Variants in NALCN observed in about 807,000 individuals in gnomAD.
NALCN encodes the protein sodium leak channel NALCN.
NALCN carries 111 observed loss-of-function variants against 225.3 expected under a neutral mutation model. That is an observed-to-expected ratio of 0.49 (90% CI 0.42 to 0.58). The LOEUF (loss-of-function observed/expected upper bound fraction) is 0.58, where lower values mean the gene tolerates loss of function less well. NALCN is among the 20% of genes least tolerant of loss of function. The probability of loss-of-function intolerance (pLI) is 0.00; values close to 1 mark genes in which losing one functional copy is unlikely to be tolerated. For synonymous variants in NALCN, 764 were observed against 769.0 expected (o/e 0.99, Z 0.11); for missense variants, 1,378 against 2,202.4 (o/e 0.63, Z 7.49).
At chr13:101,060,086 A>G in intron 41 of NALCN, 119 bp from the exon 42 acceptor site, 1 of 1,134,510 alleles carries the variant, frequency 8.8e-7, no homozygotes, top group Non-Finnish European at 1.2e-6. Flanking sequence ...GTGACCTCTT[A>G]GGAATTTCCA....
chr13:101,171,319 C>T (rs2584526), intron 15 of NALCN, among the ~76,000 whole-genome samples: 11,234 of 147,348 alleles, frequency 0.076, 830 homozygotes, highest in African/African-American at 0.2. Flanking sequence ...TATACATATA[C>T]GTATAGATAT....
intron 14 of NALCN, 63 bp from the exon 15 acceptor site, chr13:101,176,437 T>C: frequency 8.2e-7 from 1 of 1,219,962 alleles, no homozygotes; most frequent in Admixed American, 2.4e-5. Flanking sequence ...ATATTATATG[T>C]ATAATATAGC....
intron 6 of NALCN, among the ~76,000 whole-genome samples, chr13:101,353,191 G>C (rs1180153268): frequency 1.3e-5 from 2 of 152,132 alleles, no homozygotes; most frequent in East Asian, 1.9e-4. Context: ...TTGCACTCAA[G>C]AGAATAATGA....
In NALCN at chr13:101,095,770, G is replaced by A. The variant is rs1151376; in HGVS notation, c.3163-90C>T. 0.017 allele frequency: 18,409 copies of A among 1,109,648 alleles called. 1,220 individuals are homozygous for A. The African/African-American group carries it at 0.19, about 11-fold the overall frequency. 68.7% of individuals were successfully genotyped at this position (1,109,648 alleles called of 1,614,324 possible). On this transcript the variant is annotated intron_variant, in intron 27 of 43. Transcript: ENST00000251127. ...GATAGGAAACTCTTTCTTCTTTCAC[G>A]GAATCCCAAAAGCCCTTTATCTAAC...
chr13:101,078,145 G>T (rs2033379313), intron 34 of NALCN, among the ~76,000 whole-genome samples: 1 of 136,984 alleles, frequency 7.3e-6, no homozygotes, highest in South Asian at 2.5e-4. Context: ...TGTCCAGGCA[G>T]AAGTTTGCTG....
intron 11 of NALCN, among the ~76,000 whole-genome samples, chr13:101,258,189 G>A (rs1259316463): frequency 6.6e-6 from 1 of 152,130 alleles, no homozygotes; most frequent in East Asian, 1.9e-4. Context: ...CAAGATTCTA[G>A]AGTAAGACCC....
rs542364578 is a variant in NALCN, at chr13:101,387,197, C to T, written c.291+7986G>A. ...GATTGCGCCACTGCAGTCCGCAGTC[C>T]GGCCTGGGCGACAGAGCGAGACTCC... On this transcript the variant is annotated intron_variant, in intron 3 of 43. Coordinates refer to ENST00000251127, the MANE Select transcript of NALCN (RefSeq NM_052867.4). Among the ~76,000 whole-genome samples, 240 of 131,760 alleles carry T rather than the reference C, an allele frequency of 1.8e-3. 1 individual carries two copies. Among genetic ancestry groups the T allele is most frequent in the Admixed American group, 7.5e-3 (89 of 11,816 alleles). 86.4% of individuals were successfully genotyped at this position (131,760 alleles called of 152,430 possible).
intron 7 of NALCN, among the ~76,000 whole-genome samples, chr13:101,295,660 C>A (rs1190591464): frequency 6.6e-6 from 1 of 152,000 alleles, no homozygotes; most frequent in Non-Finnish European, 1.5e-5. Context: ...TTTGTTGACA[C>A]AAAGAGGTGA....
At chr13:101,264,022 A>T (rs1015377814) in intron 10 of NALCN, among the ~76,000 whole-genome samples, 2 of 152,194 alleles carry the variant, frequency 1.3e-5, no homozygotes, top group African/African-American at 4.8e-5. Context: ...TTATTTTCTA[A>T]TAAAAATTAA....
At chr13:101,119,913 T>C (rs1954825334) in intron 18 of NALCN, among the ~76,000 whole-genome samples, 1 of 152,152 alleles carries the variant, frequency 6.6e-6, no homozygotes, top group African/African-American at 2.4e-5. Flanking sequence ...TCAAGTTCTG[T>C]AAAAATGGCC....
intron 40 of NALCN, among the ~76,000 whole-genome samples, chr13:101,064,663 G>C (rs983165316): frequency 1.3e-5 from 2 of 151,970 alleles, no homozygotes; most frequent in African/African-American, 2.4e-5. Context: ...CATTGGCAGC[G>C]CACCTCCAGC....
chr13:101,057,911 C>T (rs745755128), intron 43 of NALCN, 28 bp downstream of exon 43: 18 of 1,555,616 alleles, frequency 1.2e-5, no homozygotes, highest in Admixed American at 1.0e-4. Context: ...ATGCCTCGAT[C>T]GCTGGAGAAA....
chr13:101,073,640 CG>C lies in NALCN; in HGVS notation c.4140del (p.Val1381TyrfsTer59), dbSNP rs1566784414. 6.2e-7 allele frequency: 1 copy of C among 1,612,864 alleles called. No homozygotes were observed. The highest frequency in any genetic ancestry group is 8.5e-7 in the Non-Finnish European group (1 of 1,179,600). On this transcript the variant is annotated frameshift_variant, in exon 37 of 44. Coordinates refer to ENST00000251127, the MANE Select transcript of NALCN (RefSeq NM_052867.4). LOFTEE classifies it high-confidence loss of function. ...ANFSSAGKAI[T>X]VLFRIVTGED... ...TCACCTGTGACAATTCGGAACAGTA[CG>C]GTAATAGCTTTTCCAGCCGAAGAAA... is the stretch of plus-strand genomic sequence containing the variant.
intron 27 of NALCN, among the ~76,000 whole-genome samples, chr13:101,096,481 G>T (rs1370726581): frequency 6.6e-6 from 1 of 152,146 alleles, no homozygotes. Context: ...AAGACCATAT[G>T]TTATGATTTT....
chr13:101,120,224 C>A (rs1436519642), intron 18 of NALCN, among the ~76,000 whole-genome samples: 3 of 152,088 alleles, frequency 2.0e-5, no homozygotes, highest in African/African-American at 4.8e-5. Context: ...GTGGGTCCCC[C>A]CTGAGAACTA....
chr13:101,334,758 G>A (rs944608587), intron 7 of NALCN, among the ~76,000 whole-genome samples: 2 of 152,074 alleles, frequency 1.3e-5, no homozygotes, highest in South Asian at 2.1e-4. Flanking sequence ...ATATATGCCT[G>A]TATTCAACAC....
intron 10 of NALCN, among the ~76,000 whole-genome samples, chr13:101,259,204 T>A (rs2042336620): frequency 6.6e-6 from 1 of 152,130 alleles, no homozygotes; most frequent in Non-Finnish European, 1.5e-5. Context: ...TCAAAGAGGT[T>A]AAGTAACTTT....
chr13:101,127,598 T>C (rs573521671), intron 17 of NALCN, among the ~76,000 whole-genome samples: 100 of 152,286 alleles, frequency 6.6e-4, no homozygotes, highest in South Asian at 6.2e-3. Flanking sequence ...CCTCAAGTGA[T>C]CCACCGACCT....
At chr13:101,200,762 T>C (rs1454505249) in intron 13 of NALCN, among the ~76,000 whole-genome samples, 1 of 152,090 alleles carries the variant, frequency 6.6e-6, no homozygotes, top group Non-Finnish European at 1.5e-5. Context: ...TAGACTTCCT[T>C]AGAGTTAGGT....
Sources: allele counts gnomAD v4.1 joint callset (sites outside exome capture counted in the v4.1 genomes callset), GRCh38; gene constraint gnomAD v4.1.1; transcripts MANE v1.5; gene names NCBI Gene and HGNC (gene_info 2026-07-23, HGNC 2026-07-21).